KIF13A: variants seen among roughly 807,000 people sequenced by gnomAD.
The protein encoded by KIF13A is kinesin-like protein KIF13A.
A neutral mutation model predicts 212.2 loss-of-function variants in KIF13A; 79 were observed. The ratio of observed to expected loss-of-function variants is 0.37; its 90% CI spans 0.31 to 0.45. The LOEUF is 0.45. Among genes scored for constraint, KIF13A ranks in the 20% least tolerant of loss-of-function variants. The pLI, the probability that KIF13A is intolerant of heterozygous loss-of-function variation, is 1.00. For missense variants in KIF13A, 1,901 were observed against 2,209.0 expected (o/e 0.86, Z 2.79); for synonymous variants, 789 against 808.6 (o/e 0.98, Z 0.41).
Position 17,794,311 on chromosome 6 carries a change from C to G in KIF13A, c.3160G>C (p.Val1054Leu), listed in dbSNP as rs1761849878. Reference protein sequence around the residue: ...LPLMVEAILSVSIGCVTARST... With the variant: ...LPLMVEAILSLSIGCVTARST... ...CTGGCAGTTACACAGCCGATGGATACTGACAGGATGGCTTCAACCATAAGT... is the reference window on the plus strand; with the variant it reads ...CTGGCAGTTACACAGCCGATGGATAGTGACAGGATGGCTTCAACCATAAGT... Residue 1054 changes from valine (V) to leucine (L), a missense_variant, in exon 25 of 39, where the codon GTA becomes CTA. Around this residue, in one of 5 missense-constraint regions of KIF13A, gnomAD observed 168 missense variants for 250.9 expected, o/e 0.67. Transcript: ENST00000259711. The surrounding 1 kb of genome is among the most constrained non-coding windows in gnomAD (Gnocchi z 4.1). 3 of 1,613,568 alleles carry G rather than the reference C, an allele frequency of 1.9e-6. No homozygotes were observed. Among genetic ancestry groups the G allele is most frequent in the Non-Finnish European group, 2.5e-6 (3 of 1,179,566 alleles).
chr6:17,803,835 T>C (rs1283281360), intron 20 of KIF13A, among the ~76,000 whole-genome samples: 2 of 152,106 alleles, frequency 1.3e-5, no homozygotes, highest in Non-Finnish European at 2.9e-5. Context: ...CCTCCAAATA[T>C]TAAATGTTAT....
intron 2 of KIF13A, among the ~76,000 whole-genome samples, chr6:17,925,878 G>A (rs1581750656): frequency 1.3e-5 from 2 of 152,098 alleles, no homozygotes; most frequent in South Asian, 4.1e-4. Flanking sequence ...TTAATGAAGA[G>A]GATACTTGGC....
rs1266812541 is a variant in KIF13A at position 17,963,226 on chromosome 6, T to C, written c.146+23828A>G. On this transcript the variant is annotated intron_variant, in intron 2 of 38. Transcript: ENST00000259711. The surrounding 1 kb of genome is among the most constrained non-coding windows in gnomAD (Gnocchi z 4.1). ...TGAGGTGGGGAGTTCAAGACCAGCCTGGCCAACATGGCGAAGCTCCGTCTC... is the reference window on the plus strand; with the variant it reads ...TGAGGTGGGGAGTTCAAGACCAGCCCGGCCAACATGGCGAAGCTCCGTCTC... Among the ~76,000 whole-genome samples the C allele has an allele frequency of 6.6e-6, 1 of 152,146 alleles. No individual in the cohort carries two copies. Among genetic ancestry groups the C allele is most frequent in the Non-Finnish European group, 1.5e-5 (1 of 68,030 alleles).
intron 3 of KIF13A, among the ~76,000 whole-genome samples, chr6:17,894,054 G>A (rs932440798): frequency 2.0e-5 from 3 of 151,678 alleles, no homozygotes; most frequent in African/African-American, 7.3e-5. Flanking sequence ...TAGCCAGGCT[G>A]GTCTTGATCT....
Position 17,987,393 on chromosome 6 carries a change from G to C in KIF13A, c.55+16C>G. ...TCAGCCCGAGCAGAAATAAAAAAGAGCGGAAAGCTCCTCACCTCGTCGGTT... is the reference window on the plus strand; with the variant it reads ...TCAGCCCGAGCAGAAATAAAAAAGACCGGAAAGCTCCTCACCTCGTCGGTT... On this transcript the variant is annotated intron_variant, in intron 1 of 38. Transcript: ENST00000259711. This position sits in a 1 kb window ranked among gnomAD's most constrained non-coding sequence, Gnocchi z 7.7. 1 of 1,361,490 alleles carries C rather than the reference G, an allele frequency of 7.3e-7. No individual in the cohort carries two copies. Among genetic ancestry groups the C allele is most frequent in the African/African-American group, 1.5e-5 (1 of 64,672 alleles). 84.3% of individuals were successfully genotyped at this position (1,361,490 alleles called of 1,614,324 possible).
At chr6:17,960,599 G>A (rs1338083410) in intron 2 of KIF13A, among the ~76,000 whole-genome samples, 3 of 152,088 alleles carry the variant, frequency 2.0e-5, no homozygotes, top group East Asian at 1.9e-4. Context: ...TGGGGTACAG[G>A]GCAGCTCCTT....
At chr6:17,962,819 T>C (rs779788236) in intron 2 of KIF13A, among the ~76,000 whole-genome samples, 6 of 152,216 alleles carry the variant, frequency 3.9e-5, no homozygotes, top group Non-Finnish European at 7.3e-5. Context: ...AATTGGAATC[T>C]TCCTCATGCT....
intron 2 of KIF13A, among the ~76,000 whole-genome samples, chr6:17,901,552 GA>G (rs1223109253): frequency 2.0e-5 from 3 of 152,072 alleles, no homozygotes; most frequent in Non-Finnish European, 4.4e-5. Flanking sequence ...TTTCCACTGG[GA>G]CAGTACAAAT....
In KIF13A at chr6:17,776,067, C is replaced by T. The variant is rs757104847; in HGVS notation, c.4171-1005G>A. On this transcript the variant is annotated intron_variant, in intron 34 of 38. Coordinates refer to ENST00000259711, the MANE Select transcript of KIF13A (RefSeq NM_022113.6). This position sits in a 1 kb window ranked among gnomAD's most constrained non-coding sequence, Gnocchi z 4.6. ...CTAATTTTGTATTTTTAGTAGAGAC[C>T]GGGTTTCTCCATGTTGGTCAGGCTG... is the stretch of plus-strand genomic sequence containing the variant. Among the ~76,000 whole-genome samples the T allele has an allele frequency of 4.6e-5, 7 of 151,816 alleles. No homozygotes were observed. Among genetic ancestry groups the T allele is most frequent in the Non-Finnish European group, 1.0e-4 (7 of 67,940 alleles).
At position 17,776,750 on chromosome 6, in the gene KIF13A, C is replaced by CA. The variant is rs1760017839; in HGVS notation, c.4170+526_4170+527insT. ...CCATGCACTAATCTGTCCTATCCCT[C>CA]TGTGACAGTGTCCCCCCTGCTAGGA... On this transcript the variant is annotated intron_variant, in intron 34 of 38. Coordinates refer to ENST00000259711, the MANE Select transcript of KIF13A (RefSeq NM_022113.6). This position sits in a 1 kb window ranked among gnomAD's most constrained non-coding sequence, Gnocchi z 4.6. Among the ~76,000 whole-genome samples the CA allele has an allele frequency of 6.6e-6, 1 of 152,206 alleles. No homozygotes were observed. Among genetic ancestry groups the CA allele is most frequent in the Admixed American group, 6.5e-5 (1 of 15,282 alleles).
chr6:17,777,242 C>G lies in KIF13A; in HGVS notation c.4170+35G>C. The G allele has an allele frequency of 6.5e-7, 1 of 1,549,798 alleles. No homozygotes were observed. Among genetic ancestry groups the G allele is most frequent in the Non-Finnish European group, 8.9e-7 (1 of 1,128,514 alleles). ...CCCCACCCCAGAGGCTGCGACATGTCACATAGGAGCAGATCCTTGGCAGGA... is the reference window on the plus strand; with the variant it reads ...CCCCACCCCAGAGGCTGCGACATGTGACATAGGAGCAGATCCTTGGCAGGA... On this transcript the variant is annotated intron_variant, in intron 34 of 38. Transcript: ENST00000259711. The surrounding 1 kb of genome is among the most constrained non-coding windows in gnomAD (Gnocchi z 4.4).
At chr6:17,864,022 A>G (rs1378785873) in intron 4 of KIF13A, among the ~76,000 whole-genome samples, 1 of 152,192 alleles carries the variant, frequency 6.6e-6, no homozygotes, top group Non-Finnish European at 1.5e-5. Context: ...ACTAGTTTAC[A>G]CTCAAATAGA....
rs1487800332 is a variant in KIF13A, at chr6:17,825,028, T to TA, written c.1786+739_1786+740insT. Among the ~76,000 whole-genome samples, 1 of 152,120 alleles carries TA rather than the reference T, an allele frequency of 6.6e-6. No homozygotes were observed. The highest frequency in any genetic ancestry group is 1.5e-5 in the Non-Finnish European group (1 of 68,026). On this transcript the variant is annotated intron_variant, in intron 16 of 38. Coordinates refer to ENST00000259711, the MANE Select transcript of KIF13A (RefSeq NM_022113.6). The surrounding 1 kb of genome is among the most constrained non-coding windows in gnomAD (Gnocchi z 4.5). The stretch of plus-strand genomic sequence containing the variant: ...ATGTCATCTTGTGGTTGGTAACAGG[T>TA]GAACATTGCTTCTGGCTTCTAAGTC...
At chr6:17,913,664 G>C (rs763327425) in intron 2 of KIF13A, among the ~76,000 whole-genome samples, 2 of 152,146 alleles carry the variant, frequency 1.3e-5, no homozygotes, top group Admixed American at 1.3e-4. Flanking sequence ...CTGAGCCCTG[G>C]AAGTTGCAGG....
chr6:17,821,265 C>A (rs1764408711), intron 16 of KIF13A, among the ~76,000 whole-genome samples: 1 of 152,136 alleles, frequency 6.6e-6, no homozygotes, highest in East Asian at 1.9e-4. Context: ...TTATTGTCCA[C>A]AAATACTAGG....
intron 2 of KIF13A, among the ~76,000 whole-genome samples, chr6:17,924,402 A>T (rs944778594): frequency 2.3e-4 from 35 of 152,304 alleles, no homozygotes; most frequent in Non-Finnish European, 4.1e-4. Context: ...CAATGTTGTT[A>T]CTTAAAAGTT....
At chr6:17,876,340 A>T (rs1413597589) in intron 3 of KIF13A, among the ~76,000 whole-genome samples, 1 of 152,016 alleles carries the variant, frequency 6.6e-6, no homozygotes, top group Non-Finnish European at 1.5e-5. Context: ...ATTAACCCCA[A>T]ATTCCTCATG....
chr6:17,830,956 G>A (rs1562028911), intron 13 of KIF13A, 145 bp downstream of exon 13: 2 of 670,984 alleles, frequency 3.0e-6, no homozygotes, highest in Non-Finnish European at 5.0e-6. Flanking sequence ...CTTCTCAGTG[G>A]TGATCGGAGG....
At chr6:17,818,174 T>C (rs748956071) in intron 16 of KIF13A, among the ~76,000 whole-genome samples, 8 of 152,234 alleles carry the variant, frequency 5.3e-5, no homozygotes, top group Admixed American at 1.3e-4. Flanking sequence ...CAGAACTATA[T>C]TGGACTGAGA....
Sources: allele counts gnomAD v4.1 joint callset (sites outside exome capture counted in the v4.1 genomes callset), GRCh38; gene constraint gnomAD v4.1.1; regional missense constraint gnomAD v4.1.1; non-coding constraint Gnocchi (gnomAD v3.1); transcripts MANE v1.5; gene names NCBI Gene and HGNC (gene_info 2026-07-23, HGNC 2026-07-21).